Variants in BRINP2 observed in about 807,000 individuals in gnomAD.
BRINP2 encodes BMP/retinoic acid inducible neural specific 2, also known as BMP/retinoic acid-inducible neural-specific protein 2.
In BRINP2, 21 loss-of-function variants were observed where a neutral mutation model predicts 69.2. The ratio of observed to expected loss-of-function variants is 0.30; its 90% CI spans 0.22 to 0.44. The LOEUF is 0.44. Ranked by LOEUF, BRINP2 falls within the 20% of genes least tolerant of loss-of-function variation. The pLI is 1.00. For synonymous variants in BRINP2, 380 were observed against 394.1 expected (o/e 0.96, Z 0.42); for missense variants, 877 against 986.0 (o/e 0.89, Z 1.48).
chr1:177,226,207 G>A (rs1649685234), intron 1 of BRINP2, among the ~76,000 whole-genome samples: 2 of 152,228 alleles, frequency 1.3e-5, no homozygotes, highest in South Asian at 2.1e-4. Context: ...GGAGATCAGT[G>A]CACCAAGGGG....
chr1:177,186,474 G>T (rs1357330870), intron 1 of BRINP2, among the ~76,000 whole-genome samples: 3 of 152,098 alleles, frequency 2.0e-5, no homozygotes, highest in African/African-American at 7.2e-5. Flanking sequence ...TATACATATG[G>T]TTTATTCCAA....
intron 2 of BRINP2, among the ~76,000 whole-genome samples, chr1:177,245,721 C>A (rs1487571856): frequency 6.6e-6 from 1 of 152,148 alleles, no homozygotes; most frequent in Non-Finnish European, 1.5e-5. Context: ...TCTGGTCACA[C>A]AGATTCACTG....
chr1:177,281,585 G>A lies in BRINP2; in HGVS notation c.*57G>A, dbSNP rs1651704496. On this transcript the variant is annotated 3_prime_UTR_variant, in exon 8 of 8. Coordinates refer to ENST00000361539, the MANE Select transcript of BRINP2 (RefSeq NM_021165.4). The stretch of plus-strand genomic sequence containing the variant: ...GGGATCCATGAATCTGGGGTACAAA[G>A]ATAATCTAAGCCCTCACCTTAGTGC... 6.6e-7 allele frequency: 1 copy of A among 1,522,322 alleles called. No individual in the cohort carries two copies. Among genetic ancestry groups the A allele is most frequent in the Non-Finnish European group, 8.8e-7 (1 of 1,142,020 alleles). 94.3% of individuals were successfully genotyped at this position (1,522,322 alleles called of 1,614,324 possible). A position where few individuals can be genotyped will look rare whatever the true frequency, so the allele number is the denominator to read the frequency against.
chr1:177,174,732 G>T (rs887325740), intron 1 of BRINP2, among the ~76,000 whole-genome samples: 4 of 152,168 alleles, frequency 2.6e-5, no homozygotes, highest in Non-Finnish European at 2.9e-5. Flanking sequence ...TTTACCCTGG[G>T]CTACCTTTCT....
At chr1:177,275,480 C>A (rs1451875782) in intron 5 of BRINP2, among the ~76,000 whole-genome samples, 1 of 152,198 alleles carries the variant, frequency 6.6e-6, no homozygotes, top group Non-Finnish European at 1.5e-5. Flanking sequence ...GAGACAAGGG[C>A]AGGATCTGAC....
chr1:177,188,587 A>G (rs1466673537), intron 1 of BRINP2, among the ~76,000 whole-genome samples: 1 of 152,172 alleles, frequency 6.6e-6, no homozygotes, highest in Admixed American at 6.6e-5. Context: ...CATGTGGATA[A>G]CTGGAGAATT....
intron 1 of BRINP2, among the ~76,000 whole-genome samples, chr1:177,219,437 T>G (rs1649464549): frequency 6.6e-6 from 1 of 152,252 alleles, no homozygotes; most frequent in East Asian, 1.9e-4. Flanking sequence ...TGTGTACTTA[T>G]TGACATTCAT....
At chr1:177,245,041 T>G (rs1007107759) in intron 2 of BRINP2, among the ~76,000 whole-genome samples, 3 of 152,154 alleles carry the variant, frequency 2.0e-5, no homozygotes, top group Non-Finnish European at 4.4e-5. Context: ...AGAATGATGA[T>G]TCAATCAACC....
At chr1:177,248,360 C>T (rs549062564) in intron 2 of BRINP2, among the ~76,000 whole-genome samples, 42 of 152,028 alleles carry the variant, frequency 2.8e-4, no homozygotes, top group African/African-American at 9.4e-4. Flanking sequence ...GATTTTGGAA[C>T]ATTTTAGATT....
At chr1:177,244,990 T>C (rs1246575877) in intron 2 of BRINP2, among the ~76,000 whole-genome samples, 2 of 152,152 alleles carry the variant, frequency 1.3e-5, no homozygotes, top group African/African-American at 2.4e-5. Context: ...AAGTGAGTGA[T>C]ATTGCAAAGT....
At chr1:177,219,452 C>T (rs377318147) in intron 1 of BRINP2, among the ~76,000 whole-genome samples, 7 of 152,138 alleles carry the variant, frequency 4.6e-5, no homozygotes, top group Non-Finnish European at 7.3e-5. Context: ...ATTCATTGAG[C>T]GGCATATAGT....
At chr1:177,192,967 T>G (rs1362447181) in intron 1 of BRINP2, among the ~76,000 whole-genome samples, 1 of 152,190 alleles carries the variant, frequency 6.6e-6, no homozygotes, top group Non-Finnish European at 1.5e-5. Flanking sequence ...GGAGCCAGCC[T>G]GCAAAGACCG....
At chr1:177,192,982 G>A (rs1047913234) in intron 1 of BRINP2, among the ~76,000 whole-genome samples, 1 of 152,144 alleles carries the variant, frequency 6.6e-6, no homozygotes, top group Non-Finnish European at 1.5e-5. Flanking sequence ...AGACCGTATG[G>A]TGAATCCATT....
chr1:177,216,668 A>AG (rs11420376), intron 1 of BRINP2, among the ~76,000 whole-genome samples: 152,252 of 152,254 alleles, frequency 1, 76,125 homozygotes, highest in Non-Finnish European at 1. Flanking sequence ...AATTCCTGCA[A>AG]GCAGGCCTAG....
Position 177,257,379 on chromosome 1 carries a change from A to G in BRINP2, c.664A>G (p.Ile222Val), listed in dbSNP as rs1386044503. Residue 222 changes from isoleucine (I) to valine (V), a missense_variant, in exon 4 of 8, where the codon ATC becomes GTC. By Grantham distance (29) the Ile-to-Val change is conservative. This residue lies in a region of BRINP2 where 566 missense variants were observed against 625.2 expected (regional missense o/e 0.91). Coordinates refer to ENST00000361539, the MANE Select transcript of BRINP2 (RefSeq NM_021165.4). ...CCATATCCAGATAGCCACGGGGGCCATCAAGGTAATGACCTGAGAGGTACA... is the reference window on the plus strand; with the variant it reads ...CCATATCCAGATAGCCACGGGGGCCGTCAAGGTAATGACCTGAGAGGTACA... ...LHHIQIATGA[I>V]KVTETRTGPL... is the part of the protein sequence containing the mutation. 8.1e-6 allele frequency: 13 copies of G among 1,608,738 alleles called. No homozygotes were observed. The highest frequency in any genetic ancestry group is 1.0e-5 in the Non-Finnish European group (12 of 1,176,570).
chr1:177,275,625 T>C (rs1029545855), intron 5 of BRINP2, among the ~76,000 whole-genome samples: 2 of 152,156 alleles, frequency 1.3e-5, no homozygotes, highest in Non-Finnish European at 2.9e-5. Context: ...CTCAACATAG[T>C]ACCTGGGCAC....
At chr1:177,199,348 A>G (rs1490957846) in intron 1 of BRINP2, among the ~76,000 whole-genome samples, 1 of 152,196 alleles carries the variant, frequency 6.6e-6, no homozygotes, top group Non-Finnish European at 1.5e-5. Flanking sequence ...TTTGCCCCAC[A>G]TGAGTCCAGC....
chr1:177,183,258 A>C (rs1648322306), intron 1 of BRINP2, among the ~76,000 whole-genome samples: 1 of 147,198 alleles, frequency 6.8e-6, no homozygotes, highest in Non-Finnish European at 1.5e-5. Context: ...TTTTGGAAAG[A>C]AAAAAAAAAG....
intron 1 of BRINP2, among the ~76,000 whole-genome samples, chr1:177,182,599 C>A (rs1317872040): frequency 2.6e-5 from 4 of 152,154 alleles, no homozygotes; most frequent in African/African-American, 7.2e-5. Flanking sequence ...CCAGTACAGG[C>A]TTAATGAAGA....
Sources: allele counts gnomAD v4.1 joint callset (sites outside exome capture counted in the v4.1 genomes callset), GRCh38; gene constraint gnomAD v4.1.1; regional missense constraint gnomAD v4.1.1; transcripts MANE v1.5; gene names NCBI Gene and HGNC (gene_info 2026-07-23, HGNC 2026-07-21).